The following ZHX2 variants were observed in gnomAD, a reference collection of about 807,000 sequenced individuals.
The protein encoded by ZHX2 is zinc fingers and homeoboxes 2.
A neutral mutation model predicts 21.9 loss-of-function variants in ZHX2; 6 were observed. That is an observed-to-expected ratio of 0.27 (90% CI 0.15 to 0.54). ZHX2 has a LOEUF of 0.54. ZHX2 is among the 20% of genes least tolerant of loss of function. The pLI, the probability that ZHX2 is intolerant of heterozygous loss-of-function variation, is 0.95. For synonymous variants in ZHX2, 434 were observed against 437.1 expected, an observed-to-expected ratio of 0.99 and a Z score of 0.09; for missense variants, 908 against 1,090.7, an observed-to-expected ratio of 0.83 and a Z score of 2.36.
At chr8:122,950,383 T>G (rs933212373) in intron 2 of ZHX2, among the ~76,000 whole-genome samples, 15 of 151,166 alleles carry the variant, frequency 9.9e-5, no homozygotes, top group African/African-American at 2.2e-4. Flanking sequence ...TGAAAACACA[T>G]GGACACAGGG....
intron 2 of ZHX2, among the ~76,000 whole-genome samples, chr8:122,936,686 G>A (rs1205617394): frequency 6.6e-6 from 1 of 152,194 alleles, no homozygotes; most frequent in Non-Finnish European, 1.5e-5. Context: ...TGAGTCTGTT[G>A]GACTGGGACA....
At chr8:122,847,740 C>T (rs1818784812) in intron 1 of ZHX2, among the ~76,000 whole-genome samples, 1 of 152,224 alleles carries the variant, frequency 6.6e-6, no homozygotes. Flanking sequence ...ATCCCAAGTT[C>T]CTGGAACGCC....
intron 1 of ZHX2, among the ~76,000 whole-genome samples, chr8:122,825,823 A>C (rs1363399001): frequency 6.6e-6 from 1 of 152,202 alleles, no homozygotes; most frequent in Non-Finnish European, 1.5e-5. Flanking sequence ...CATTTGTCAG[A>C]AACCACGCTG....
At chr8:122,822,403 G>A (rs1052502627) in intron 1 of ZHX2, among the ~76,000 whole-genome samples, 1 of 152,094 alleles carries the variant, frequency 6.6e-6, no homozygotes. Flanking sequence ...GGGAACAGTG[G>A]GATTTGCTCA....
At chr8:122,821,603 C>A (rs1339243930) in intron 1 of ZHX2, among the ~76,000 whole-genome samples, 2 of 151,780 alleles carry the variant, frequency 1.3e-5, no homozygotes, top group Non-Finnish European at 2.9e-5. Flanking sequence ...GATCCCTGGA[C>A]CCCATAGGAT....
intron 2 of ZHX2, among the ~76,000 whole-genome samples, chr8:122,891,270 TTGTGTG>T (rs59893492): frequency 0.11 from 8,655 of 76,622 alleles, 321 homozygotes; most frequent in Non-Finnish European, 0.13. Flanking sequence ...TCTTGGTAGA[TTGTGTG>T]TGTGTGTGTG....
intron 2 of ZHX2, among the ~76,000 whole-genome samples, chr8:122,893,123 G>T (rs546271490): frequency 6.6e-6 from 1 of 151,780 alleles, no homozygotes; most frequent in Non-Finnish European, 1.5e-5. Flanking sequence ...TTTTTGTTTT[G>T]TTTTTTTTCT....
chr8:122,950,729 CTATT>C (rs1224732896), intron 2 of ZHX2, among the ~76,000 whole-genome samples: 2 of 151,740 alleles, frequency 1.3e-5, no homozygotes, highest in African/African-American at 4.8e-5. Context: ...ATTTTGCTCA[CTATT>C]TATGGAAATG....
chr8:122,887,050 C>CGTGTGTGTGTGTGT (rs10549696), intron 2 of ZHX2, among the ~76,000 whole-genome samples: 61 of 136,440 alleles, frequency 4.5e-4, no homozygotes, highest in African/African-American at 1.7e-3. Flanking sequence ...GCTCTGCCAC[C>CGTGTGTGTGTGTGT]GTGTGTGTGT....
At chr8:122,917,878 A>G (rs1820642878) in intron 2 of ZHX2, among the ~76,000 whole-genome samples, 1 of 152,232 alleles carries the variant, frequency 6.6e-6, no homozygotes, top group Admixed American at 6.5e-5. Flanking sequence ...AGACATCACC[A>G]GTCAATCACA....
At chr8:122,881,162 G>A (rs1819706793) in intron 2 of ZHX2, among the ~76,000 whole-genome samples, 1 of 152,190 alleles carries the variant, frequency 6.6e-6, no homozygotes, top group Non-Finnish European at 1.5e-5. Flanking sequence ...GGAGCACTCG[G>A]GCCCTCCTCC....
intron 2 of ZHX2, among the ~76,000 whole-genome samples, chr8:122,937,933 GT>G (rs71310636): frequency 2.9e-3 from 216 of 73,362 alleles, no homozygotes; most frequent in African/African-American, 0.01. Context: ...TTTCTTTTTG[GT>G]TTTTTTTTTT....
At chr8:122,886,393 A>G (rs1819843481) in intron 2 of ZHX2, among the ~76,000 whole-genome samples, 1 of 152,264 alleles carries the variant, frequency 6.6e-6, no homozygotes, top group African/African-American at 2.4e-5. Context: ...CTGTCATGGT[A>G]GATACAGGAC....
chr8:122,858,807 A>C (rs567035007), intron 1 of ZHX2, among the ~76,000 whole-genome samples: 1 of 151,984 alleles, frequency 6.6e-6, no homozygotes, highest in Admixed American at 6.5e-5. Flanking sequence ...TACCCAGCTA[A>C]TTTTTGTATT....
chr8:122,809,617 A>G (rs1817886448), intron 1 of ZHX2, among the ~76,000 whole-genome samples: 1 of 152,220 alleles, frequency 6.6e-6, no homozygotes. Context: ...AGTTATGCCC[A>G]CTGTGAGTGC....
chr8:122,832,176 G>C (rs948214696), intron 1 of ZHX2, among the ~76,000 whole-genome samples: 1 of 152,218 alleles, frequency 6.6e-6, no homozygotes, highest in African/African-American at 2.4e-5. Flanking sequence ...GATGGGAGAT[G>C]GTTAGACGGT....
intron 2 of ZHX2, among the ~76,000 whole-genome samples, chr8:122,934,410 C>T (rs907901644): frequency 7.9e-5 from 12 of 152,202 alleles, no homozygotes; most frequent in Admixed American, 2.6e-4. Flanking sequence ...AGGCCACAAA[C>T]GCCTTGTAAC....
intron 3 of ZHX2, among the ~76,000 whole-genome samples, chr8:122,959,400 G>A (rs1199271884): frequency 6.7e-6 from 1 of 148,152 alleles, no homozygotes; most frequent in Non-Finnish European, 1.5e-5. Context: ...ATGAATGAAC[G>A]AACGAATTAA....
At chr8:122,789,374 G>T (rs552969321) in intron 1 of ZHX2, among the ~76,000 whole-genome samples, 3 of 152,286 alleles carry the variant, frequency 2.0e-5, no homozygotes, top group Admixed American at 2.0e-4. Flanking sequence ...GCCATCTCAG[G>T]CGCCACCCCA....
Sources: allele counts gnomAD v4.1 joint callset (sites outside exome capture counted in the v4.1 genomes callset), GRCh38; gene constraint gnomAD v4.1.1; transcripts MANE v1.5; gene names NCBI Gene and HGNC (gene_info 2026-07-23, HGNC 2026-07-21).